CADM2: variants seen among roughly 807,000 people sequenced by gnomAD.
CADM2 encodes immunoglobulin superfamily member 4D.
CADM2 carries 12 observed loss-of-function variants against 49.8 expected under a neutral mutation model. The ratio of observed to expected loss-of-function variants is 0.24; its 90% CI spans 0.15 to 0.39. The LOEUF is 0.39. Ranked by LOEUF, CADM2 falls within the 10% of genes least tolerant of loss-of-function variation. The pLI is 1.00. For missense variants in CADM2, 378 were observed against 492.3 expected (o/e 0.77, Z 2.20); for synonymous variants, 214 against 175.4 (o/e 1.22, Z -1.74).
At chr3:85,451,749 T>A (rs1294717090) in intron 1 of CADM2, among the ~76,000 whole-genome samples, 1 of 152,174 alleles carries the variant, frequency 6.6e-6, no homozygotes, top group Non-Finnish European at 1.5e-5. Context: ...TTTATTTAAA[T>A]TATTACCTAA....
intron 1 of CADM2, among the ~76,000 whole-genome samples, chr3:85,159,076 C>G (rs1400261390): frequency 1.3e-5 from 2 of 152,106 alleles, no homozygotes; most frequent in Non-Finnish European, 2.9e-5. Flanking sequence ...TATGACCAAA[C>G]TACCTATAAA....
At chr3:85,347,948 C>G (rs141551090) in intron 1 of CADM2, among the ~76,000 whole-genome samples, 192 of 152,098 alleles carry the variant, frequency 1.3e-3, no homozygotes, top group Non-Finnish European at 2.5e-3. Context: ...GCTGGGACTA[C>G]AGGCGCCCAC....
chr3:85,502,376 G>A (rs536294422), intron 1 of CADM2, among the ~76,000 whole-genome samples: 4 of 151,932 alleles, frequency 2.6e-5, no homozygotes, highest in South Asian at 4.1e-4. Flanking sequence ...TACTTTGGTC[G>A]TTGGCTACTC....
intron 1 of CADM2, among the ~76,000 whole-genome samples, chr3:85,219,026 A>G (rs1295082109): frequency 6.6e-6 from 1 of 152,178 alleles, no homozygotes; most frequent in East Asian, 1.9e-4. Flanking sequence ...AAAATGTAAG[A>G]TTACTTTATA....
chr3:85,062,758 A>G (rs1362407483), intron 1 of CADM2, among the ~76,000 whole-genome samples: 1 of 152,008 alleles, frequency 6.6e-6, no homozygotes, highest in Admixed American at 6.6e-5. Flanking sequence ...GAATGTTGCT[A>G]TGACATGAAA....
chr3:85,530,264 A>G (rs1440972418), intron 1 of CADM2, among the ~76,000 whole-genome samples: 2 of 148,544 alleles, frequency 1.3e-5, no homozygotes, highest in East Asian at 2.0e-4. Flanking sequence ...AAACTCCCAG[A>G]GGCCTTCGCA....
At chr3:85,524,170 A>G (rs2061101378) in intron 1 of CADM2, among the ~76,000 whole-genome samples, 1 of 152,116 alleles carries the variant, frequency 6.6e-6, no homozygotes, top group Admixed American at 6.6e-5. Flanking sequence ...GCCTTCCCAA[A>G]GAGGCAGCTT....
chr3:85,307,904 T>C (rs1173351210), intron 1 of CADM2, among the ~76,000 whole-genome samples: 2 of 148,856 alleles, frequency 1.3e-5, no homozygotes, highest in African/African-American at 2.5e-5. Context: ...TTAAAATAGG[T>C]ACACATTTTT....
intron 1 of CADM2, among the ~76,000 whole-genome samples, chr3:85,259,458 C>T (rs1204563351): frequency 6.6e-6 from 1 of 151,664 alleles, no homozygotes; most frequent in East Asian, 1.9e-4. Flanking sequence ...ATTTAGTGAA[C>T]ATGTGTGAGC....
At position 86,021,474 on chromosome 3, in the gene CADM2, A is replaced by T. The variant is rs1733172064; in HGVS notation, c.971-44131A>T. On this transcript the variant is annotated intron_variant, in intron 8 of 9. Coordinates refer to ENST00000383699, the MANE Select transcript of CADM2 (RefSeq NM_001167675.2). The stretch of plus-strand genomic sequence containing the variant: ...ATGGCTTAAGTAGTCTCTAATAATA[A>T]TTTTTAACAGATTATCTCATCATTT... Among the ~76,000 whole-genome samples the T allele has an allele frequency of 2.0e-5, 3 of 152,326 alleles. No homozygotes were observed. The South Asian group carries it at 6.2e-4, about 32-fold the overall frequency.
Position 85,585,364 on chromosome 3 carries a change from G to A in CADM2, c.62-141158G>A, listed in dbSNP as rs139266241. 7.5e-3 allele frequency among the ~76,000 whole-genome samples: 1,141 copies of A among 151,660 alleles called. 20 individuals carry two copies. The highest frequency in any genetic ancestry group is 0.027 in the African/African-American group (1,101 of 41,356). On this transcript the variant is annotated intron_variant, in intron 1 of 9. Coordinates refer to ENST00000383699, the MANE Select transcript of CADM2 (RefSeq NM_001167675.2). ...TAAAGTGCTTCATTTTTAGTGAAAC[G>A]GTGGAAGTTGGTACTTGAAAAGAAA...
At chr3:85,483,592 T>C (rs1277392261) in intron 1 of CADM2, among the ~76,000 whole-genome samples, 1 of 150,610 alleles carries the variant, frequency 6.6e-6, no homozygotes, top group Non-Finnish European at 1.5e-5. Flanking sequence ...TATTAATATG[T>C]TTCACTGGCA....
At chr3:85,372,688 C>G (rs1175775527) in intron 1 of CADM2, among the ~76,000 whole-genome samples, 1 of 151,862 alleles carries the variant, frequency 6.6e-6, no homozygotes, top group Non-Finnish European at 1.5e-5. Context: ...AAAAAATACC[C>G]AAGACTGGGT....
chr3:85,126,141 A>T (rs1429893540), intron 1 of CADM2, among the ~76,000 whole-genome samples: 1 of 152,228 alleles, frequency 6.6e-6, no homozygotes, highest in African/African-American at 2.4e-5. Context: ...GAGTCACTGC[A>T]TATGAATGAA....
intron 1 of CADM2, among the ~76,000 whole-genome samples, chr3:85,154,544 A>G (rs1362685178): frequency 2.0e-5 from 3 of 152,016 alleles, no homozygotes; most frequent in African/African-American, 7.3e-5. Context: ...AACTTCCCCA[A>G]TCTAGCAAGG....
chr3:85,787,082 CA>C (rs1325860624), intron 2 of CADM2, among the ~76,000 whole-genome samples: 1 of 151,622 alleles, frequency 6.6e-6, no homozygotes, highest in African/African-American at 2.4e-5. Flanking sequence ...TCTTTTCTCC[CA>C]AAAAAATATT....
chr3:85,198,399 T>C (rs990148262), intron 1 of CADM2, among the ~76,000 whole-genome samples: 1 of 151,710 alleles, frequency 6.6e-6, no homozygotes, highest in Non-Finnish European at 1.5e-5. Context: ...CCTATATCTT[T>C]TTTTTTTTCA....
At chr3:85,663,274 C>T (rs1159764181) in intron 1 of CADM2, among the ~76,000 whole-genome samples, 1 of 152,158 alleles carries the variant, frequency 6.6e-6, no homozygotes, top group Non-Finnish European at 1.5e-5. Context: ...TGAAAATTAA[C>T]ACACAGGCTT....
intron 1 of CADM2, among the ~76,000 whole-genome samples, chr3:85,593,231 G>T (rs1026054043): frequency 6.6e-6 from 1 of 151,598 alleles, no homozygotes; most frequent in Non-Finnish European, 1.5e-5. Flanking sequence ...CAATGTGCAG[G>T]TTTGTTACAT....
Sources: gnomAD v4.1 joint callset for allele counts (sites outside exome capture counted in the v4.1 genomes callset) on GRCh38, gnomAD v4.1.1 for gene constraint, MANE v1.5 for transcripts, NCBI Gene and HGNC (gene_info 2026-07-23, HGNC 2026-07-21) for gene names.